The following KLHL30 variants were observed in gnomAD, a reference collection of about 807,000 sequenced individuals.
The protein encoded by KLHL30 is kelch like family member 30, also known as kelch-like protein 30.
KLHL30 carries 55 observed loss-of-function variants against 55.0 expected under a neutral mutation model. The ratio of observed to expected loss-of-function variants is 1.00; its 90% CI spans 0.80 to 1.25. The LOEUF (loss-of-function observed/expected upper bound fraction) is 1.25, where lower values mean the gene tolerates loss of function less well. Ranked by LOEUF, KLHL30 falls within the 50% of genes most tolerant of loss-of-function variation. The pLI, the probability that KLHL30 is intolerant of heterozygous loss-of-function variation, is 0.00. For missense variants in KLHL30, 786 were observed against 811.6 expected, an observed-to-expected ratio of 0.97 and a Z score of 0.38; for synonymous variants, 356 against 372.6, an observed-to-expected ratio of 0.96 and a Z score of 0.51.
chr2:238,144,698 G>A (rs1175373577), intron 3 of KLHL30, among the ~76,000 whole-genome samples: 7 of 152,164 alleles, frequency 4.6e-5, no homozygotes, highest in Admixed American at 2.0e-4. Flanking sequence ...GCTCTGCGGA[G>A]TGGGTGGGGG....
chr2:238,140,488 A>G (rs1243897820), intron 1 of KLHL30, among the ~76,000 whole-genome samples, 197 bp from the exon 2 acceptor site: 1 of 152,040 alleles, frequency 6.6e-6, no homozygotes, highest in East Asian at 1.9e-4. Context: ...CCTCACTGCA[A>G]ATGGGAATGA....
At chr2:238,144,677 C>T (rs1483021395) in intron 3 of KLHL30, among the ~76,000 whole-genome samples, 1 of 152,180 alleles carries the variant, frequency 6.6e-6, no homozygotes, top group Non-Finnish European at 1.5e-5. Context: ...TGTGTCCACT[C>T]TGAGTTCCAG....
rs1296923072 is a variant in KLHL30 at position 238,147,660 on chromosome 2, C to T, written c.1151-174C>T. Among the ~76,000 whole-genome samples the T allele has an allele frequency of 1.3e-5, 2 of 152,114 alleles. No individual in the cohort carries two copies. Among genetic ancestry groups the T allele is most frequent in the African/African-American group, 2.4e-5 (1 of 41,422 alleles). On this transcript the variant is annotated intron_variant, in intron 5 of 7. Transcript: ENST00000409223. This position sits in a 1 kb window ranked among gnomAD's most constrained non-coding sequence, Gnocchi z 5.8. The stretch of plus-strand genomic sequence containing the variant: ...CACCCCCACCCCCACCACTTCCTGG[C>T]GGGGCGGCCTTGGGAGGTGCCAGCA...
In KLHL30 at chr2:238,141,220, GC is replaced by G; in HGVS notation, c.468del (p.Phe157SerfsTer44). On this transcript the variant is annotated frameshift_variant, in exon 2 of 8. Transcript: ENST00000409223. LOFTEE classifies it high-confidence loss of function. ...GCTGGGCGTGGCTGCCAAGGCCTGG[GC>G]CTTCCTGCGAGAGAACTTTGAGGCT... ...GLLGVAAKAW[A>X]FLRENFEAVA... is the part of the protein sequence containing the mutation. The G allele has an allele frequency of 6.2e-7, 1 of 1,610,048 alleles. No homozygotes were observed. The highest frequency in any genetic ancestry group is 1.1e-5 in the South Asian group (1 of 91,060).
At chr2:238,140,438 G>T (rs947636360) in intron 1 of KLHL30, among the ~76,000 whole-genome samples, 4 of 152,156 alleles carry the variant, frequency 2.6e-5, no homozygotes, top group African/African-American at 4.8e-5. Context: ...CTGAATGCCT[G>T]GCCATGGGTA....
intron 4 of KLHL30, 30 bp downstream of exon 4, chr2:238,145,018 G>A (rs1281143100): frequency 6.5e-7 from 1 of 1,546,926 alleles, no homozygotes. Flanking sequence ...TTCCAGAGAT[G>A]CCCTGCCCAG....
chr2:238,148,292 G>A (rs1421966842), intron 6 of KLHL30, among the ~76,000 whole-genome samples: 1 of 152,182 alleles, frequency 6.6e-6, no homozygotes, highest in Non-Finnish European at 1.5e-5. Flanking sequence ...GGGCAGCAGT[G>A]GGCTGGGGCT....
intron 3 of KLHL30, among the ~76,000 whole-genome samples, chr2:238,144,047 A>AT (rs1692587527): frequency 1.3e-5 from 2 of 152,146 alleles, no homozygotes; most frequent in South Asian, 2.1e-4. Flanking sequence ...TATTGTCTTG[A>AT]TTTTCCAAAG....
In KLHL30 at chr2:238,145,778, C is replaced by G. The variant is rs764207264; in HGVS notation, c.1096C>G (p.Pro366Ala). ...GAAGCCCGTGGCGCCCATGCTGAAG[C>G]CCCGCACCAACCACGCCAGCGCGGC... is the stretch of plus-strand genomic sequence containing the variant. Reference protein sequence around the residue: ...SWKPVAPMLKPRTNHASAALN... With the variant: ...SWKPVAPMLKARTNHASAALN... Residue 366 changes from proline (P) to alanine (A), a missense_variant, in exon 5 of 8, where the codon CCC (proline) becomes GCC (alanine). Coordinates refer to ENST00000409223, the MANE Select transcript of KLHL30 (RefSeq NM_198582.4). 1.9e-6 allele frequency: 3 copies of G among 1,607,622 alleles called. No homozygotes were observed. Among genetic ancestry groups the G allele is most frequent in the Non-Finnish European group, 2.5e-6 (3 of 1,178,032 alleles).
intron 7 of KLHL30, 150 bp downstream of exon 7, chr2:238,149,302 T>C (rs1692707788): frequency 9.0e-7 from 1 of 1,105,742 alleles, no homozygotes; most frequent in Non-Finnish European, 1.3e-6. Flanking sequence ...GGGCCCACAG[T>C]GAAGGGGGTG....
chr2:238,143,276 G>A (rs1224680656), intron 3 of KLHL30, among the ~76,000 whole-genome samples: 1 of 152,244 alleles, frequency 6.6e-6, no homozygotes, highest in African/African-American at 2.4e-5. Context: ...CATGCTCCCT[G>A]CTCAGTGCAC....
At chr2:238,144,412 A>AGGC (rs1692601535) in intron 3 of KLHL30, among the ~76,000 whole-genome samples, 37 of 115,396 alleles carry the variant, frequency 3.2e-4, no homozygotes, top group African/African-American at 1.1e-3. Context: ...GGAAGGAAGG[A>AGGC]AGGAAGGAAG....
At chr2:238,139,356 G>A (rs1164637411) in intron 1 of KLHL30, among the ~76,000 whole-genome samples, 5 of 152,216 alleles carry the variant, frequency 3.3e-5, no homozygotes, top group Non-Finnish European at 5.9e-5. Context: ...GGGCAGAGCC[G>A]CCTTCACCGG....
chr2:238,142,669 G>T, intron 2 of KLHL30, 130 bp from the exon 3 acceptor site: 1 of 912,554 alleles, frequency 1.1e-6, no homozygotes. Flanking sequence ...TTGTGCACTC[G>T]GGCACACGCC....
chr2:238,140,647 C>CCT (rs1692513575), intron 1 of KLHL30, 38 bp from the exon 2 acceptor site: 1 of 1,216,888 alleles, frequency 8.2e-7, no homozygotes, highest in African/African-American at 1.5e-5. Context: ...AGGATGAGAC[C>CCT]ATCCCCACTT....
chr2:238,142,960 C>T lies in KLHL30; in HGVS notation c.907+29C>T, dbSNP rs1422313931. ...AGTACCCCTCCCGCGTCCAGACCCA[C>T]CTGCTGTCTCTCTGTCCCAGCGGGA... is the stretch of plus-strand genomic sequence containing the variant. On this transcript the variant is annotated intron_variant, in intron 3 of 7. Coordinates refer to ENST00000409223, the MANE Select transcript of KLHL30 (RefSeq NM_198582.4). The T allele has an allele frequency of 2.7e-6, 4 of 1,500,214 alleles. No homozygotes were observed. The East Asian group carries it at 1.1e-4, about 41-fold the overall frequency. The allele number at this position is 1,500,214 out of a possible 1,614,324, so 92.9% of individuals were successfully genotyped here.
Position 238,145,736 on chromosome 2 carries a change from C to A in KLHL30, c.1054C>A (p.Leu352Met), listed in dbSNP as rs1173199232. The A allele has an allele frequency of 6.3e-7, 1 of 1,597,352 alleles. No individual in the cohort carries two copies. Among genetic ancestry groups the A allele is most frequent in the South Asian group, 1.1e-5 (1 of 87,800 alleles). ...WSTTQAWCFP[L>M]KEASWKPVAP... is the part of the protein sequence containing the mutation. ...AACCACCCAGGCCTGGTGCTTCCCC[C>A]TGAAGGAGGCCTCCTGGAAGCCCGT... is the stretch of plus-strand genomic sequence containing the variant. Residue 352 changes from leucine to methionine, a missense_variant, in exon 5 of 8, where the codon CTG becomes ATG. By Grantham distance (15) the Leu-to-Met change is conservative. Transcript: ENST00000409223.
In KLHL30 at chr2:238,151,257, A is replaced by C; in HGVS notation, c.*192A>C. On this transcript the variant is annotated 3_prime_UTR_variant, in exon 8 of 8. Coordinates refer to ENST00000409223, the MANE Select transcript of KLHL30 (RefSeq NM_198582.4). ...TTGGTCTCTGTGGCCACCACACTAA[A>C]CTCTGAGCTGAGCAGTGACAAGGGC... is the stretch of plus-strand genomic sequence containing the variant. 3 of 761,744 alleles carry C rather than the reference A, an allele frequency of 3.9e-6. No individual in the cohort carries two copies. The highest frequency in any genetic ancestry group is 1.8e-5 in the African/African-American group (1 of 56,964). The allele number at this position is 761,744 out of a possible 1,614,324, so 47.2% of individuals were successfully genotyped here. A position where few individuals can be genotyped will look rare whatever the true frequency, so the allele number is the denominator to read the frequency against.
chr2:238,141,933 G>A (rs1248431710), intron 2 of KLHL30, among the ~76,000 whole-genome samples: 1 of 152,242 alleles, frequency 6.6e-6, no homozygotes, highest in Non-Finnish European at 1.5e-5. Context: ...CCTTAGAGGA[G>A]GGATAGGAGC....
Sources: allele counts gnomAD v4.1 joint callset (sites outside exome capture counted in the v4.1 genomes callset), GRCh38; gene constraint gnomAD v4.1.1; non-coding constraint Gnocchi (gnomAD v3.1); transcripts MANE v1.5; gene names NCBI Gene and HGNC (gene_info 2026-07-23, HGNC 2026-07-21).